The following PLEKHM3 variants were observed in gnomAD, a reference collection of about 807,000 sequenced individuals.
PLEKHM3 encodes the protein pleckstrin homology domain-containing family M member 3.
Under a neutral mutation model 81.8 loss-of-function variants are expected in PLEKHM3, and 45 were observed. That is an observed-to-expected ratio of 0.55 (90% CI 0.43 to 0.71). The LOEUF (loss-of-function observed/expected upper bound fraction) is 0.71. PLEKHM3 is among the 30% of genes least tolerant of loss of function. The probability of loss-of-function intolerance (pLI) is 0.00; values close to 1 mark genes in which losing one functional copy is unlikely to be tolerated. For synonymous variants in PLEKHM3, 352 were observed against 356.4 expected (o/e 0.99, Z 0.14); for missense variants, 788 against 924.3 (o/e 0.85, Z 1.91).
chr2:207,955,916 G>C (rs950369093), intron 3 of PLEKHM3, among the ~76,000 whole-genome samples: 1 of 152,192 alleles, frequency 6.6e-6, no homozygotes, highest in Non-Finnish European at 1.5e-5. Context: ...GTAAACAGCA[G>C]AAGATAAGAG....
Position 207,931,074 on chromosome 2 carries a change from G to C in PLEKHM3, c.1738C>G (p.Pro580Ala), listed in dbSNP as rs1397382327. 1.2e-6 allele frequency: 2 copies of C among 1,613,850 alleles called. No homozygotes were observed. Among genetic ancestry groups the C allele is most frequent in the African/African-American group, 2.7e-5 (2 of 74,918 alleles). The change falls in exon 5 of 8, where the codon CCG (proline) becomes GCG (alanine). Residue 580 changes from proline (P) to alanine (A), a missense_variant. Pro to Ala is a conservative substitution (Grantham distance 27). Transcript: ENST00000427836. ...KEFLEYVYEE[P>A]LIDIQQENAM... ...TTCTCCTGCTGGATGTCGATGAGCG[G>C]CTCTTCGTACACGTACTCCAGAAAC...
intron 3 of PLEKHM3, among the ~76,000 whole-genome samples, chr2:207,962,971 T>C (rs1039266619): frequency 6.8e-6 from 1 of 147,644 alleles, no homozygotes; most frequent in African/African-American, 2.5e-5. Context: ...AAGATTATAA[T>C]TGGTTTGCTA....
In PLEKHM3 at chr2:208,001,802, G is replaced by T; in HGVS notation, c.-163C>A. On this transcript the variant is annotated 5_prime_UTR_variant, in exon 2 of 8. Coordinates refer to ENST00000427836, the MANE Select transcript of PLEKHM3 (RefSeq NM_001080475.3). ...GCAGGCCAAACCCAAAGTGGTTGAT[G>T]TTTTCCTGGTAATTAAAAGCATTTG... 8.6e-7 allele frequency: 1 copy of T among 1,157,304 alleles called. No homozygotes were observed. The highest frequency in any genetic ancestry group is 1.2e-6 in the Non-Finnish European group (1 of 837,656). 71.7% of individuals were successfully genotyped at this position (1,157,304 alleles called of 1,614,324 possible). A position where few individuals can be genotyped will look rare whatever the true frequency, so the allele number is the denominator to read the frequency against.
intron 2 of PLEKHM3, among the ~76,000 whole-genome samples, chr2:207,979,680 C>T (rs996432076): frequency 6.6e-6 from 1 of 152,140 alleles, no homozygotes; most frequent in Non-Finnish European, 1.5e-5. Flanking sequence ...CTAATTGAGA[C>T]ATTCCCTAAA....
intron 4 of PLEKHM3, among the ~76,000 whole-genome samples, chr2:207,934,304 A>G (rs1574420810): frequency 6.6e-6 from 1 of 152,212 alleles, no homozygotes; most frequent in Non-Finnish European, 1.5e-5. Context: ...TTTCTGATGT[A>G]AAGAAAAATT....
In PLEKHM3 at chr2:207,931,055, T is replaced by C; in HGVS notation, c.1757A>G (p.Gln586Arg). 2 of 1,614,076 alleles carry C rather than the reference T, an allele frequency of 1.2e-6. No individual in the cohort carries two copies. The highest frequency in any genetic ancestry group is 1.7e-6 in the Non-Finnish European group (2 of 1,179,940). ...VYEEPLIDIQ[Q>R]ENAMLYHHAE... is the part of the protein sequence containing the mutation. ...GTGGTGGTACAGCATGGCGTTCTCC[T>C]GCTGGATGTCGATGAGCGGCTCTTC... Residue 586 changes from glutamine to arginine, a missense_variant, in exon 5 of 8, where the codon CAG (glutamine) becomes CGG (arginine). Gln to Arg is a conservative substitution (Grantham distance 43, BLOSUM62 1). Transcript: ENST00000427836.
In PLEKHM3 at chr2:207,858,181, T is replaced by TATATATA. The variant is rs58145531; in HGVS notation, c.2108+2923_2108+2924insTATATAT. ...GTGTGTGTGTGTGTGTGTGTATATA[T>TATATATA]TTTTTTTTTTGAGATGAAGTCTCAC... On this transcript the variant is annotated intron_variant, in intron 7 of 7. Coordinates refer to ENST00000427836, the MANE Select transcript of PLEKHM3 (RefSeq NM_001080475.3). 9.3e-5 allele frequency among the ~76,000 whole-genome samples: 9 copies of TATATATA among 97,042 alleles called. 1 individual carries two copies. Among genetic ancestry groups the TATATATA allele is most frequent in the African/African-American group, 3.2e-4 (7 of 21,898 alleles). 63.7% of individuals were successfully genotyped at this position (97,042 alleles called of 152,430 possible).
At chr2:207,852,810 A>G (rs1174216258) in intron 7 of PLEKHM3, 1 of 448,066 alleles carries the variant, frequency 2.2e-6, no homozygotes, top group Non-Finnish European at 4.4e-6. Flanking sequence ...TATCCTTGTA[A>G]TAAATCTGCA....
At chr2:207,885,486 A>T (rs1266542643) in intron 6 of PLEKHM3, among the ~76,000 whole-genome samples, 2 of 152,252 alleles carry the variant, frequency 1.3e-5, no homozygotes, top group Non-Finnish European at 2.9e-5. Context: ...TACTGTGTTC[A>T]TCAAAGCAGG....
At chr2:207,842,443 A>G (rs566553921) in intron 7 of PLEKHM3, among the ~76,000 whole-genome samples, 14 of 152,338 alleles carry the variant, frequency 9.2e-5, no homozygotes, top group Non-Finnish European at 1.8e-4. Context: ...ACATGTTTAT[A>G]AAATTAGCAA....
intron 5 of PLEKHM3, among the ~76,000 whole-genome samples, chr2:207,925,474 G>T (rs111777641): frequency 0.012 from 1,830 of 151,998 alleles, 16 homozygotes; most frequent in Non-Finnish European, 0.019. Context: ...TTTCCTGAGA[G>T]CTTGCTCTGT....
chr2:207,873,874 T>C (rs1035423322), intron 6 of PLEKHM3, among the ~76,000 whole-genome samples: 7 of 152,188 alleles, frequency 4.6e-5, no homozygotes, highest in African/African-American at 1.7e-4. Context: ...GAAACTAAAG[T>C]GAGTCCCTGG....
rs2092227179 is a variant in PLEKHM3, at chr2:207,822,952, A to G, written c.*5367T>C. On this transcript the variant is annotated 3_prime_UTR_variant, in exon 8 of 8. Coordinates refer to ENST00000427836, the MANE Select transcript of PLEKHM3 (RefSeq NM_001080475.3). ...GCCTGCCTCTGGGCTGGGGCTCAGA[A>G]CTAGGGGCAAGGAAGATCCAGGGAA... 6.6e-6 allele frequency: 1 copy of G among 152,370 alleles called. No individual in the cohort carries two copies. The highest frequency in any genetic ancestry group is 1.5e-5 in the Non-Finnish European group (1 of 68,186). 9.4% of individuals were successfully genotyped at this position (152,370 alleles called of 1,614,324 possible).
intron 3 of PLEKHM3, among the ~76,000 whole-genome samples, chr2:207,949,087 C>G (rs1690243755): frequency 6.6e-6 from 1 of 152,190 alleles, no homozygotes; most frequent in Non-Finnish European, 1.5e-5. Context: ...GGCACATGTA[C>G]ACTCACATAA....
intron 1 of PLEKHM3, among the ~76,000 whole-genome samples, chr2:208,023,591 T>A (rs772310232): frequency 2.0e-5 from 3 of 152,158 alleles, no homozygotes; most frequent in Non-Finnish European, 4.4e-5. Context: ...CAAACCTTAT[T>A]GTGAACTGTG....
chr2:207,830,760 A>T (rs1285389093), intron 7 of PLEKHM3, among the ~76,000 whole-genome samples: 1 of 150,362 alleles, frequency 6.7e-6, no homozygotes, highest in Non-Finnish European at 1.5e-5. Context: ...CCAACTCCGC[A>T]TGCCTCAGAG....
intron 2 of PLEKHM3, among the ~76,000 whole-genome samples, chr2:207,984,229 A>G (rs1691638031): frequency 6.6e-6 from 1 of 152,182 alleles, no homozygotes. Context: ...AAAGCAAATC[A>G]CAGACATTTG....
intron 6 of PLEKHM3, among the ~76,000 whole-genome samples, chr2:207,873,011 G>C (rs921759759): frequency 3.3e-5 from 5 of 152,106 alleles, no homozygotes; most frequent in Admixed American, 6.5e-5. Flanking sequence ...AAAAACAAAA[G>C]TAGCATTACC....
intron 6 of PLEKHM3, among the ~76,000 whole-genome samples, chr2:207,886,619 C>G (rs1251088474): frequency 6.6e-6 from 1 of 152,174 alleles, no homozygotes; most frequent in Non-Finnish European, 1.5e-5. Context: ...CTGCAGCCAA[C>G]TCTCTGTTGA....
Sources: allele counts gnomAD v4.1 joint callset (sites outside exome capture counted in the v4.1 genomes callset), GRCh38; gene constraint gnomAD v4.1.1; transcripts MANE v1.5; gene names NCBI Gene and HGNC (gene_info 2026-07-23, HGNC 2026-07-21).